Variants in SPRYD4 observed in about 807,000 individuals in gnomAD.
SPRYD4 encodes the protein SPRY domain-containing protein 4.
In SPRYD4, 12 loss-of-function variants were observed where a neutral mutation model predicts 16.6. The observed-to-expected ratio is 0.72, with a 90% confidence interval of 0.46 to 1.17. The LOEUF (loss-of-function observed/expected upper bound fraction) is 1.17, where lower values mean the gene tolerates loss of function less well. Among genes scored for constraint, SPRYD4 ranks in the 50% most tolerant of loss-of-function variants. The probability of loss-of-function intolerance (pLI) is 0.00; values close to 1 mark genes in which losing one functional copy is unlikely to be tolerated. For synonymous variants in SPRYD4, 98 were observed against 105.4 expected, an observed-to-expected ratio of 0.93 and a Z score of 0.43; for missense variants, 260 against 260.2, an observed-to-expected ratio of 1.00 and a Z score of 0.00.
At position 56,472,496 on chromosome 12, in the gene SPRYD4, C is replaced by T; in HGVS notation, c.*2919C>T. On this transcript the variant is annotated 3_prime_UTR_variant, in exon 2 of 2. Transcript: ENST00000338146. ...CTTAACACTCAATAACAATGGCTAACATTAATTATCATAGAGCAGACAGTT... is the reference window on the plus strand; with the variant it reads ...CTTAACACTCAATAACAATGGCTAATATTAATTATCATAGAGCAGACAGTT... 1.6e-6 allele frequency: 1 copy of T among 617,664 alleles called. No homozygotes were observed. The highest frequency in any genetic ancestry group is 2.0e-5 in the South Asian group (1 of 49,524). 38.3% of individuals were successfully genotyped at this position (617,664 alleles called of 1,614,324 possible).
chr12:56,475,546 C>T lies in SPRYD4; in HGVS notation c.*5969C>T, dbSNP rs1346993557. 3.5e-6 allele frequency: 5 copies of T among 1,439,432 alleles called. No individual in the cohort carries two copies. Among genetic ancestry groups the T allele is most frequent in the Admixed American group, 3.6e-5 (2 of 55,440 alleles). 89.2% of individuals were successfully genotyped at this position (1,439,432 alleles called of 1,614,324 possible). A position where few individuals can be genotyped will look rare whatever the true frequency, so the allele number is the denominator to read the frequency against. On this transcript the variant is annotated 3_prime_UTR_variant, in exon 2 of 2. Transcript: ENST00000338146. Reference sequence around the variant, plus strand: ...TCTTCCTCCTAAGATTCTCTCTCCCCCATTCCTCTTGTCCCCATCCTAAGT... The same window carrying T: ...TCTTCCTCCTAAGATTCTCTCTCCCTCATTCCTCTTGTCCCCATCCTAAGT...
rs1283281885 is a variant in SPRYD4 at position 56,471,739 on chromosome 12, G to A, written c.*2162G>A. On this transcript the variant is annotated 3_prime_UTR_variant, in exon 2 of 2. Transcript: ENST00000338146. ...GCTGGAGGGTAGGTGGAGAAGCTGT[G>A]CCCACCCTCCTCCACTTTTAGCCTA... The A allele has an allele frequency of 6.2e-7, 1 of 1,612,274 alleles. No individual in the cohort carries two copies. Among genetic ancestry groups the A allele is most frequent in the Non-Finnish European group, 8.5e-7 (1 of 1,178,456 alleles).
chr12:56,479,043 G>A lies in SPRYD4; in HGVS notation c.*9466G>A. The A allele has an allele frequency of 1.2e-6, 2 of 1,611,016 alleles. No homozygotes were observed. Among genetic ancestry groups the A allele is most frequent in the African/African-American group, 2.7e-5 (2 of 74,488 alleles). ...TCCCTGACCCCTCCCTTAGTCCCCT[G>A]ACTCTCACTTTGCCTCCAGTGAGCT... On this transcript the variant is annotated 3_prime_UTR_variant, in exon 2 of 2. Transcript: ENST00000338146.
chr12:56,478,436 GC>G lies in SPRYD4; in HGVS notation c.*8861del, dbSNP rs2136188282. ...ATGCCCGAGCCTTAAGTCCTAGAAG[GC>G]CATATCTTTGTGTATCCGCAATCCT... is the stretch of plus-strand genomic sequence containing the variant. On this transcript the variant is annotated 3_prime_UTR_variant, in exon 2 of 2. Coordinates refer to ENST00000338146, the MANE Select transcript of SPRYD4 (RefSeq NM_207344.4). The G allele has an allele frequency of 1.6e-6, 1 of 631,962 alleles. No homozygotes were observed. Among genetic ancestry groups the G allele is most frequent in the East Asian group, 2.8e-5 (1 of 36,014 alleles). The allele number at this position is 631,962 out of a possible 1,614,324, so 39.1% of individuals were successfully genotyped here. A position where few individuals can be genotyped will look rare whatever the true frequency, so the allele number is the denominator to read the frequency against.
chr12:56,479,696 A>G lies in SPRYD4; in HGVS notation c.*10119A>G, dbSNP rs1870129517. 2.8e-6 allele frequency: 4 copies of G among 1,453,882 alleles called. No homozygotes were observed. Among genetic ancestry groups the G allele is most frequent in the East Asian group, 2.3e-5 (1 of 42,582 alleles). The allele number at this position is 1,453,882 out of a possible 1,614,324, so 90.1% of individuals were successfully genotyped here. A position where few individuals can be genotyped will look rare whatever the true frequency, so the allele number is the denominator to read the frequency against. ...ATAAAATGAGGAATTGAACTATACA[A>G]TTCCCAAATTCCTCCCTGCTCTGAG... On this transcript the variant is annotated 3_prime_UTR_variant, in exon 2 of 2. Transcript: ENST00000338146.
Position 56,471,419 on chromosome 12 carries a change from G to C in SPRYD4, c.*1842G>C, listed in dbSNP as rs764210976. 6.7e-7 allele frequency: 1 copy of C among 1,489,348 alleles called. No individual in the cohort carries two copies. Among genetic ancestry groups the C allele is most frequent in the South Asian group, 1.3e-5 (1 of 76,230 alleles). 92.3% of individuals were successfully genotyped at this position (1,489,348 alleles called of 1,614,324 possible). ...AGTGTAGCTCTCCATAGTATTTTTG[G>C]TGGTTATGGATTACATGTGTGGCCA... is the stretch of plus-strand genomic sequence containing the variant. On this transcript the variant is annotated 3_prime_UTR_variant, in exon 2 of 2. Transcript: ENST00000338146.
chr12:56,474,810 G>C lies in SPRYD4; in HGVS notation c.*5233G>C. The C allele has an allele frequency of 1.2e-6, 2 of 1,613,516 alleles. No homozygotes were observed. Among genetic ancestry groups the C allele is most frequent in the Non-Finnish European group, 1.7e-6 (2 of 1,179,748 alleles). On this transcript the variant is annotated 3_prime_UTR_variant, in exon 2 of 2. Coordinates refer to ENST00000338146, the MANE Select transcript of SPRYD4 (RefSeq NM_207344.4). Reference sequence around the variant, plus strand: ...GAAAGGGCAAGGGCAAGGACAGTCTGTCCTGTTCCCTCGGCCCTGAGCAGT... The same window carrying C: ...GAAAGGGCAAGGGCAAGGACAGTCTCTCCTGTTCCCTCGGCCCTGAGCAGT...
At position 56,475,111 on chromosome 12, in the gene SPRYD4, C is replaced by G; in HGVS notation, c.*5534C>G. The G allele has an allele frequency of 1.2e-6, 2 of 1,614,032 alleles. No individual in the cohort carries two copies. Among genetic ancestry groups the G allele is most frequent in the South Asian group, 2.2e-5 (2 of 91,086 alleles). ...CCCTGTTTCCTTCTCTGACTGGAAT[C>G]TGAAGCAAACACCCAATTTAGTACT... On this transcript the variant is annotated 3_prime_UTR_variant, in exon 2 of 2. Coordinates refer to ENST00000338146, the MANE Select transcript of SPRYD4 (RefSeq NM_207344.4).
Position 56,469,204 on chromosome 12 carries a change from C to G in SPRYD4, c.251C>G (p.Thr84Ser). 2 of 1,614,116 alleles carry G rather than the reference C, an allele frequency of 1.2e-6. No homozygotes were observed. The highest frequency in any genetic ancestry group is 1.7e-6 in the Non-Finnish European group (2 of 1,180,022). The change falls in exon 2 of 2, where the codon ACC becomes AGC. Residue 84 changes from threonine (T) to serine (S), a missense_variant. Transcript: ENST00000338146. ...WAVVLADTAV[T>S]SGRHYWEVTV... Reference sequence around the variant, plus strand: ...GTGGTGCTGGCAGACACAGCGGTCACCAGTGGCAGACACTACTGGGAAGTG... The same window carrying G: ...GTGGTGCTGGCAGACACAGCGGTCAGCAGTGGCAGACACTACTGGGAAGTG...
Position 56,478,200 on chromosome 12 carries a change from GCACAGGGAGA to G in SPRYD4, c.*8627_*8636del. 6.2e-7 allele frequency: 1 copy of G among 1,614,226 alleles called. No homozygotes were observed. The highest frequency in any genetic ancestry group is 8.5e-7 in the Non-Finnish European group (1 of 1,180,034). On this transcript the variant is annotated 3_prime_UTR_variant, in exon 2 of 2. Coordinates refer to ENST00000338146, the MANE Select transcript of SPRYD4 (RefSeq NM_207344.4). ...CATCTCACCGTTGACCATCCACAGT[GCACAGGGAGA>G]CACCCCACAGGTCTGGGTTTGACTT... is the stretch of plus-strand genomic sequence containing the variant.
At position 56,469,157 on chromosome 12, in the gene SPRYD4, G is replaced by A. The variant is rs775710175; in HGVS notation, c.204G>A (p.Val68=). 3.7e-6 allele frequency: 6 copies of A among 1,614,040 alleles called. No individual in the cohort carries two copies. The highest frequency in any genetic ancestry group is 5.1e-6 in the Non-Finnish European group (6 of 1,180,036). The part of the protein sequence containing the change: ...GLEPTKVALN[V]ERFREWAVVL... Reference sequence around the variant, plus strand: ...AGCCCACCAAGGTGGCCTTGAATGTGGAGCGCTTCCGGGAGTGGGCAGTGG... The same window carrying A: ...AGCCCACCAAGGTGGCCTTGAATGTAGAGCGCTTCCGGGAGTGGGCAGTGG... Residue 68 remains valine (V), a synonymous_variant, in exon 2 of 2, where the codon GTG becomes GTA. Transcript: ENST00000338146.
chr12:56,469,005 CT>C lies in SPRYD4; in HGVS notation c.86-33del, dbSNP rs759255708. ...ATCACCAGCCCTAGGGTTCTAGCCC[CT>C]GTTATTATCCCGTCTTTTTGCTCTG... On this transcript the variant is annotated intron_variant, in intron 1 of 1. Coordinates refer to ENST00000338146, the MANE Select transcript of SPRYD4 (RefSeq NM_207344.4). 75 of 1,531,756 alleles carry C rather than the reference CT, an allele frequency of 4.9e-5. 1 individual carries two copies. The South Asian group carries it at 9.3e-4, about 19-fold the overall frequency. 94.9% of individuals were successfully genotyped at this position (1,531,756 alleles called of 1,614,324 possible).
rs760308280 is a variant in SPRYD4, at chr12:56,473,592, C to T, written c.*4015C>T. 3.7e-6 allele frequency: 6 copies of T among 1,609,914 alleles called. No individual in the cohort carries two copies. In the South Asian group the frequency reaches 6.6e-5, roughly 18 times the overall value. On this transcript the variant is annotated 3_prime_UTR_variant, in exon 2 of 2. Transcript: ENST00000338146. ...ATACAGCTGACTTGGCTGGCAGGCC[C>T]ACCTGGGGAACAGAACTGAAGCTGA...
At position 56,475,791 on chromosome 12, in the gene SPRYD4, C is replaced by T. The variant is rs1205851240; in HGVS notation, c.*6214C>T. ...TCAGGTCTTGTCAAGAGGCTTTCCT[C>T]TCTGAGGCCAGCAGATTTCCACATT... On this transcript the variant is annotated 3_prime_UTR_variant, in exon 2 of 2. Coordinates refer to ENST00000338146, the MANE Select transcript of SPRYD4 (RefSeq NM_207344.4). The T allele has an allele frequency of 7.2e-7, 1 of 1,381,722 alleles. No individual in the cohort carries two copies. Among genetic ancestry groups the T allele is most frequent in the Non-Finnish European group, 1.0e-6 (1 of 989,332 alleles). 85.6% of individuals were successfully genotyped at this position (1,381,722 alleles called of 1,614,324 possible).
At position 56,477,595 on chromosome 12, in the gene SPRYD4, T is replaced by C; in HGVS notation, c.*8018T>C. The C allele has an allele frequency of 6.7e-7, 1 of 1,492,418 alleles. No individual in the cohort carries two copies. The allele number at this position is 1,492,418 out of a possible 1,614,324, so 92.4% of individuals were successfully genotyped here. A position where few individuals can be genotyped will look rare whatever the true frequency, so the allele number is the denominator to read the frequency against. On this transcript the variant is annotated 3_prime_UTR_variant, in exon 2 of 2. Transcript: ENST00000338146. Reference sequence around the variant, plus strand: ...GTCTCCCTGGAGAGCTGAACAAATATGAGGGATACAGGAACACAGGAGCTT... The same window carrying C: ...GTCTCCCTGGAGAGCTGAACAAATACGAGGGATACAGGAACACAGGAGCTT...
chr12:56,477,322 A>G lies in SPRYD4; in HGVS notation c.*7745A>G, dbSNP rs554001160. ...CCCAGAAGTGGCCAATCAGTGCCCA[A>G]TAGTGCTGTCCTCCCCTTGTCTCTG... On this transcript the variant is annotated 3_prime_UTR_variant, in exon 2 of 2. Transcript: ENST00000338146. 5 of 203,276 alleles carry G rather than the reference A, an allele frequency of 2.5e-5. No homozygotes were observed. Among genetic ancestry groups the G allele is most frequent in the Admixed American group, 5.5e-5 (1 of 18,330 alleles). The allele number at this position is 203,276 out of a possible 1,614,324, so 12.6% of individuals were successfully genotyped here.
At position 56,473,229 on chromosome 12, in the gene SPRYD4, C is replaced by T. The variant is rs78764167; in HGVS notation, c.*3652C>T. 2.3e-5 allele frequency: 37 copies of T among 1,613,946 alleles called. No homozygotes were observed. Among genetic ancestry groups the T allele is most frequent in the East Asian group, 1.6e-4 (7 of 44,872 alleles). Reference sequence around the variant, plus strand: ...CAAGCCACCTGGAGTTTTCCTTACCCGAATTTCTGCCCCTTCACGCCGTGG... The same window carrying T: ...CAAGCCACCTGGAGTTTTCCTTACCTGAATTTCTGCCCCTTCACGCCGTGG... On this transcript the variant is annotated 3_prime_UTR_variant, in exon 2 of 2. Transcript: ENST00000338146.
rs1182312887 is a variant in SPRYD4, at chr12:56,478,457, A to C, written c.*8880A>C. ...GAAGGCCATATCTTTGTGTATCCGC[A>C]ATCCTGTAGAGATAGCAGTAAAGCC... is the stretch of plus-strand genomic sequence containing the variant. On this transcript the variant is annotated 3_prime_UTR_variant, in exon 2 of 2. Transcript: ENST00000338146. 2 of 593,296 alleles carry C rather than the reference A, an allele frequency of 3.4e-6. No individual in the cohort carries two copies. The highest frequency in any genetic ancestry group is 6.0e-6 in the Non-Finnish European group (2 of 333,366). The allele number at this position is 593,296 out of a possible 1,614,324, so 36.8% of individuals were successfully genotyped here.
At position 56,469,760 on chromosome 12, in the gene SPRYD4, C is replaced by G; in HGVS notation, c.*183C>G. 1.7e-6 allele frequency: 1 copy of G among 602,610 alleles called. No individual in the cohort carries two copies. Among genetic ancestry groups the G allele is most frequent in the South Asian group, 2.2e-5 (1 of 46,438 alleles). 37.3% of individuals were successfully genotyped at this position (602,610 alleles called of 1,614,324 possible). A position where few individuals can be genotyped will look rare whatever the true frequency, so the allele number is the denominator to read the frequency against. On this transcript the variant is annotated 3_prime_UTR_variant, in exon 2 of 2. Transcript: ENST00000338146. ...GTGAAAGCTAGGCATACAGCCAAACCCTCCTTTTCCCCACCCACCAACTAC... is the reference window on the plus strand; with the variant it reads ...GTGAAAGCTAGGCATACAGCCAAACGCTCCTTTTCCCCACCCACCAACTAC...
Sources: gnomAD v4.1 joint callset for allele counts on GRCh38, gnomAD v4.1.1 for gene constraint, MANE v1.5 for transcripts, NCBI Gene and HGNC (gene_info 2026-07-23, HGNC 2026-07-21) for gene names.